The following CCDC93 variants were observed in gnomAD, a reference collection of about 807,000 sequenced individuals.
CCDC93 encodes the protein coiled-coil domain-containing protein 93.
A neutral mutation model predicts 108.2 loss-of-function variants in CCDC93; 61 were observed. That is an observed-to-expected ratio of 0.56 (90% CI 0.46 to 0.70). The LOEUF is 0.70. Among genes scored for constraint, CCDC93 ranks in the 30% least tolerant of loss-of-function variants. CCDC93 has a pLI of 0.00. For synonymous variants in CCDC93, 276 were observed against 260.4 expected (o/e 1.06, Z -0.58); for missense variants, 685 against 764.2 (o/e 0.90, Z 1.22).
intron 16 of CCDC93, among the ~76,000 whole-genome samples, chr2:117,946,197 C>T (rs768838741): frequency 6.6e-6 from 1 of 152,188 alleles, no homozygotes; most frequent in South Asian, 2.1e-4. Flanking sequence ...GCAGGGCATG[C>T]GGTCTGGCGT....
Position 117,945,535 on chromosome 2 carries a change from A to T in CCDC93, c.1344T>A (p.Thr448=). Residue 448 remains threonine (T), a synonymous_variant, in exon 17 of 24, where the codon ACT becomes ACA. Coordinates refer to ENST00000376300, the MANE Select transcript of CCDC93 (RefSeq NM_019044.5). ...EPPGTLTSAM[T]HDEDLDRRYN... ...TGAGCAGGCAGGTACTTACGTCATG[A>T]GTCATTGCAGAGGTCAAGGTACCAG... 1 of 1,613,930 alleles carries T rather than the reference A, an allele frequency of 6.2e-7. No homozygotes were observed. Among genetic ancestry groups the T allele is most frequent in the South Asian group, 1.1e-5 (1 of 91,072 alleles).
intron 13 of CCDC93, 68 bp downstream of exon 13, chr2:117,952,305 A>T (rs1339827926): frequency 2.0e-6 from 2 of 990,398 alleles, no homozygotes; most frequent in Non-Finnish European, 3.3e-6. Flanking sequence ...ACATCATTCC[A>T]TTAGTGGTTC....
chr2:117,973,974 G>C lies in CCDC93; in HGVS notation c.822C>G (p.Ser274=), dbSNP rs1040000602. Residue 274 remains serine, a synonymous_variant, in exon 11 of 24, where the codon TCC becomes TCG. Coordinates refer to ENST00000376300, the MANE Select transcript of CCDC93 (RefSeq NM_019044.5). ...ANEESRLTAS[S]VGQIVGLCSA... ...AGCAGAGTCCCACAATCTGGCCCAC[G>C]GAGCTTGCGGTGAGACGGCTCTGCA... 1.2e-6 allele frequency: 2 copies of C among 1,611,024 alleles called. No homozygotes were observed. The highest frequency in any genetic ancestry group is 1.3e-5 in the African/African-American group (1 of 74,830).
At chr2:118,011,656 GAGA>G (rs780588474) in intron 1 of CCDC93, among the ~76,000 whole-genome samples, 12 of 151,832 alleles carry the variant, frequency 7.9e-5, no homozygotes, top group Admixed American at 4.6e-4. Flanking sequence ...ATGAAAACAT[GAGA>G]AGAAGACAAA....
intron 6 of CCDC93, among the ~76,000 whole-genome samples, chr2:117,994,967 C>T (rs932412857): frequency 2.0e-5 from 3 of 152,022 alleles, no homozygotes; most frequent in Non-Finnish European, 2.9e-5. Context: ...CTTGTGCTGG[C>T]GAAGTTGGGA....
At chr2:117,954,032 G>C (rs1679143075) in intron 12 of CCDC93, among the ~76,000 whole-genome samples, 2 of 152,250 alleles carry the variant, frequency 1.3e-5, no homozygotes, top group Non-Finnish European at 1.5e-5. Context: ...CCAACCTTCA[G>C]AACTGTAAGC....
chr2:117,931,909 G>A lies in CCDC93; in HGVS notation c.1729-759C>T, dbSNP rs565601157. On this transcript the variant is annotated intron_variant, in intron 22 of 23. Transcript: ENST00000376300. ...GACTTAGAACCTACTGAGTAGCTAC[G>A]TGTAGTGGTGAACATGGCAAAGTCA... Among the ~76,000 whole-genome samples the A allele has an allele frequency of 1.6e-4, 24 of 152,280 alleles. No individual in the cohort carries two copies. In the South Asian group the frequency reaches 3.5e-3, roughly 22 times the overall value.
Position 117,958,428 on chromosome 2 carries a change from T to G in CCDC93, c.942A>C (p.Leu314=). 6.2e-7 allele frequency: 1 copy of G among 1,613,938 alleles called. No individual in the cohort carries two copies. The highest frequency in any genetic ancestry group is 8.5e-7 in the Non-Finnish European group (1 of 1,179,778). Residue 314 remains leucine (L), a synonymous_variant, in exon 12 of 24, where the codon CTA becomes CTC. Coordinates refer to ENST00000376300, the MANE Select transcript of CCDC93 (RefSeq NM_019044.5). ...ESPEKLGTSQ[L]HRRKVISLNK... is the part of the protein sequence containing the mutation. ...TCAAGGAAATGACTTTCCGGCGATG[T>G]AGCTGGGAGGTTCCTAATTTTTCTG...
intron 3 of CCDC93, 99 bp downstream of exon 3, chr2:118,006,623 T>C (rs1676877353): frequency 2.8e-6 from 2 of 710,264 alleles, no homozygotes; most frequent in Admixed American, 2.5e-5. Flanking sequence ...AAAGTTAAAA[T>C]AAACTATGTA....
intron 1 of CCDC93, among the ~76,000 whole-genome samples, chr2:118,013,293 T>C (rs1157061712): frequency 6.6e-6 from 1 of 152,248 alleles, no homozygotes; most frequent in African/African-American, 2.4e-5. Flanking sequence ...CCGCAGCCTT[T>C]CCGCCCAGAG....
At chr2:117,952,745 TA>T in intron 12 of CCDC93, among the ~76,000 whole-genome samples, 1 of 152,362 alleles carries the variant, frequency 6.6e-6, no homozygotes, top group East Asian at 1.9e-4. Flanking sequence ...TTTATTTGAC[TA>T]AAGTCCCATA....
At chr2:117,976,180 T>C (rs1470750021) in intron 8 of CCDC93, among the ~76,000 whole-genome samples, 2 of 152,118 alleles carry the variant, frequency 1.3e-5, no homozygotes, top group Non-Finnish European at 2.9e-5. Flanking sequence ...CTTGGACACA[T>C]CTACAGGGGA....
intron 16 of CCDC93, among the ~76,000 whole-genome samples, chr2:117,946,122 C>T (rs952547196): frequency 2.0e-5 from 3 of 152,224 alleles, no homozygotes; most frequent in South Asian, 2.1e-4. Context: ...TTCGTCTCCC[C>T]GCTGGGCATG....
intron 23 of CCDC93, among the ~76,000 whole-genome samples, chr2:117,927,583 C>T (rs189081492): frequency 3.9e-5 from 6 of 152,244 alleles, no homozygotes; most frequent in Admixed American, 3.3e-4. Context: ...TCAAGAACTA[C>T]AAACCACTGC....
At chr2:118,000,491 G>A (rs1680810841) in intron 4 of CCDC93, among the ~76,000 whole-genome samples, 1 of 152,080 alleles carries the variant, frequency 6.6e-6, no homozygotes, top group Non-Finnish European at 1.5e-5. Flanking sequence ...AAAGAACAAA[G>A]AAAAGCAAGG....
intron 3 of CCDC93, among the ~76,000 whole-genome samples, chr2:118,002,439 G>A (rs1045149865): frequency 7.2e-5 from 11 of 152,118 alleles, no homozygotes; most frequent in African/African-American, 2.7e-4. Flanking sequence ...CCAGGGAATG[G>A]GCACTAGAGA....
At chr2:118,008,712 AC>A in intron 1 of CCDC93, 54 bp from the exon 2 acceptor site, 1 of 1,125,228 alleles carries the variant, frequency 8.9e-7, no homozygotes, top group Non-Finnish European at 1.3e-6. Flanking sequence ...ATAAAGGAAC[AC>A]CAGGTATATC....
Position 117,920,010 on chromosome 2 carries a change from ATTC to A in CCDC93, c.*330_*332del, listed in dbSNP as rs1454363542. 7 of 192,812 alleles carry A rather than the reference ATTC, an allele frequency of 3.6e-5. No homozygotes were observed. The South Asian group carries it at 8.5e-4, about 23-fold the overall frequency. The allele number at this position is 192,812 out of a possible 1,614,324, so 11.9% of individuals were successfully genotyped here. A position where few individuals can be genotyped will look rare whatever the true frequency, so the allele number is the denominator to read the frequency against. On this transcript the variant is annotated 3_prime_UTR_variant, in exon 24 of 24. Coordinates refer to ENST00000376300, the MANE Select transcript of CCDC93 (RefSeq NM_019044.5). ...GAACTAATACTTGCTAAACAAATGA[ATTC>A]TTCTTTATTCAGAGTCCATACAAAT... is the stretch of plus-strand genomic sequence containing the variant.
At chr2:117,998,576 T>C (rs1680739960) in intron 4 of CCDC93, among the ~76,000 whole-genome samples, 1 of 152,218 alleles carries the variant, frequency 6.6e-6, no homozygotes, top group Non-Finnish European at 1.5e-5. Context: ...TAAGAAATTG[T>C]AACCACTAGC....
Sources: allele counts gnomAD v4.1 joint callset (sites outside exome capture counted in the v4.1 genomes callset), GRCh38; gene constraint gnomAD v4.1.1; transcripts MANE v1.5; gene names NCBI Gene and HGNC (gene_info 2026-07-23, HGNC 2026-07-21).